CREG2: variants seen among roughly 807,000 people sequenced by gnomAD.
The protein encoded by CREG2 is protein CREG2.
Under a neutral mutation model 26.2 loss-of-function variants are expected in CREG2, and 24 were observed. The observed-to-expected ratio is 0.92, with a 90% CI of 0.66 to 1.29. The LOEUF is 1.29. Among genes scored for constraint, CREG2 ranks in the 50% most tolerant of loss-of-function variants. The pLI, the probability that CREG2 is intolerant of heterozygous loss-of-function variation, is 0.00. For missense variants in CREG2, 366 were observed against 398.6 expected (o/e 0.92, Z 0.70); for synonymous variants, 174 against 169.2 (o/e 1.03, Z -0.22).
At chr2:101,377,401 G>C (rs376302956) in intron 2 of CREG2, among the ~76,000 whole-genome samples, 2 of 152,144 alleles carry the variant, frequency 1.3e-5, no homozygotes, top group Non-Finnish European at 2.9e-5. Flanking sequence ...GGTCCCAAAG[G>C]CTTGCTGCCC....
Position 101,349,945 on chromosome 2 carries a change from T to C in CREG2, c.*978A>G, listed in dbSNP as rs1246279610. The C allele has an allele frequency of 6.6e-6, 1 of 152,114 alleles. No homozygotes were observed. Among genetic ancestry groups the C allele is most frequent in the African/African-American group, 2.4e-5 (1 of 41,410 alleles). The allele number at this position is 152,114 out of a possible 1,614,324, so 9.4% of individuals were successfully genotyped here. ...GGGATGTGGACTCAGCCCCTCTGAG[T>C]CTAGTTTTCTTGTCTGTAAGAGCCA... is the stretch of plus-strand genomic sequence containing the variant. On this transcript the variant is annotated 3_prime_UTR_variant, in exon 4 of 4. Transcript: ENST00000324768.
intron 3 of CREG2, among the ~76,000 whole-genome samples, chr2:101,353,268 T>A (rs755402075): frequency 5.9e-5 from 9 of 152,238 alleles, no homozygotes; most frequent in Non-Finnish European, 1.3e-4. Context: ...TTTAATTAGA[T>A]CCCATTTATC....
chr2:101,383,431 C>G (rs1684910312), intron 2 of CREG2, 102 bp downstream of exon 2: 2 of 1,075,332 alleles, frequency 1.9e-6, no homozygotes, highest in Non-Finnish European at 2.7e-6. Context: ...ATGTGCATCT[C>G]AGAGTTCTGT....
intron 3 of CREG2, among the ~76,000 whole-genome samples, chr2:101,353,099 G>T (rs1558812997): frequency 1.3e-5 from 2 of 152,184 alleles, no homozygotes; most frequent in Non-Finnish European, 2.9e-5. Context: ...TTTTTGATGG[G>T]GTTGTTTGTT....
chr2:101,369,874 C>A (rs529782265), intron 2 of CREG2, among the ~76,000 whole-genome samples: 40 of 152,312 alleles, frequency 2.6e-4, no homozygotes, highest in Non-Finnish European at 5.3e-4. Context: ...TGTTGCAGTG[C>A]AAGCCTATGA....
At chr2:101,354,375 T>A (rs1684424024) in intron 3 of CREG2, among the ~76,000 whole-genome samples, 1 of 152,234 alleles carries the variant, frequency 6.6e-6, no homozygotes, top group Non-Finnish European at 1.5e-5. Flanking sequence ...ATCCCAATCA[T>A]TCTAGTTTTC....
rs115256392 is a variant in CREG2, at chr2:101,386,102, G to T, written c.441+915C>A. 2.8e-3 allele frequency among the ~76,000 whole-genome samples: 427 copies of T among 152,262 alleles called. 2 individuals carry two copies. The highest frequency in any genetic ancestry group is 9.7e-3 in the African/African-American group (404 of 41,548). ...CCATTGCCAAACTCGAAATAAAGTT[G>T]CCATTTAGGTAGTTTTTAAGCAAAA... On this transcript the variant is annotated intron_variant, in intron 1 of 3. Transcript: ENST00000324768.
At chr2:101,358,466 C>G (rs1684493430) in intron 2 of CREG2, among the ~76,000 whole-genome samples, 1 of 152,002 alleles carries the variant, frequency 6.6e-6, no homozygotes, top group African/African-American at 2.4e-5. Flanking sequence ...AAAATACTAC[C>G]ACATGGGAAA....
At chr2:101,363,755 C>T (rs955361793) in intron 2 of CREG2, among the ~76,000 whole-genome samples, 90 of 151,942 alleles carry the variant, frequency 5.9e-4, no homozygotes, top group Non-Finnish European at 1.0e-3. Flanking sequence ...GAGGCTGAGG[C>T]AGGAGGATCA....
chr2:101,362,324 T>C (rs1684554941), intron 2 of CREG2, among the ~76,000 whole-genome samples: 1 of 152,156 alleles, frequency 6.6e-6, no homozygotes, highest in Admixed American at 6.6e-5. Flanking sequence ...AAAAATCTCA[T>C]TTCGTTGACA....
chr2:101,372,496 G>T (rs1371235079), intron 2 of CREG2, among the ~76,000 whole-genome samples: 1 of 152,076 alleles, frequency 6.6e-6, no homozygotes, highest in East Asian at 1.9e-4. Context: ...CTCATGTTTA[G>T]ACACTTTCTT....
intron 2 of CREG2, among the ~76,000 whole-genome samples, chr2:101,368,271 G>C (rs1417777602): frequency 6.7e-6 from 1 of 148,336 alleles, no homozygotes; most frequent in Non-Finnish European, 1.5e-5. Context: ...CTGGGCAACA[G>C]CGTGAGACTC....
chr2:101,378,208 T>C (rs1056603249), intron 2 of CREG2, among the ~76,000 whole-genome samples: 1 of 152,202 alleles, frequency 6.6e-6, no homozygotes, highest in Admixed American at 6.5e-5. Flanking sequence ...ATAAGTGAGA[T>C]CATGCGGGAT....
intron 2 of CREG2, among the ~76,000 whole-genome samples, chr2:101,379,673 T>C (rs1684840838): frequency 6.6e-6 from 1 of 152,212 alleles, no homozygotes; most frequent in Non-Finnish European, 1.5e-5. Flanking sequence ...AGCTATCAGG[T>C]TGATGCTTTT....
chr2:101,377,117 C>T (rs932509753), intron 2 of CREG2, among the ~76,000 whole-genome samples: 1 of 152,140 alleles, frequency 6.6e-6, no homozygotes, highest in Admixed American at 6.5e-5. Flanking sequence ...GATCTGTCCA[C>T]AAATATAAAA....
intron 2 of CREG2, among the ~76,000 whole-genome samples, chr2:101,369,068 A>G (rs1293410301): frequency 6.6e-6 from 1 of 152,186 alleles, no homozygotes; most frequent in African/African-American, 2.4e-5. Flanking sequence ...ATATGTTAAG[A>G]CTTTAGAACT....
chr2:101,376,506 C>G (rs1254173764), intron 2 of CREG2, among the ~76,000 whole-genome samples: 2 of 152,164 alleles, frequency 1.3e-5, no homozygotes, highest in Non-Finnish European at 2.9e-5. Context: ...TCTTGAACTC[C>G]TGACATCAAG....
At chr2:101,360,785 T>C (rs1184358584) in intron 2 of CREG2, among the ~76,000 whole-genome samples, 3 of 151,886 alleles carry the variant, frequency 2.0e-5, no homozygotes, top group East Asian at 3.9e-4. Flanking sequence ...GTAGTTTTGA[T>C]ACTGGAAAAA....
At chr2:101,366,571 C>T (rs1684620641) in intron 2 of CREG2, among the ~76,000 whole-genome samples, 1 of 152,082 alleles carries the variant, frequency 6.6e-6, no homozygotes, top group Admixed American at 6.5e-5. Context: ...GCCTGTAATC[C>T]CAGCACTTTG....
Sources: allele counts gnomAD v4.1 joint callset (sites outside exome capture counted in the v4.1 genomes callset), GRCh38; gene constraint gnomAD v4.1.1; transcripts MANE v1.5; gene names NCBI Gene and HGNC (gene_info 2026-07-23, HGNC 2026-07-21).